GSDME: variants seen among roughly 807,000 people sequenced by gnomAD.
GSDME encodes the protein gasdermin E.
GSDME carries 44 observed loss-of-function variants against 47.5 expected under a neutral mutation model. That is an observed-to-expected ratio of 0.93 (90% CI 0.73 to 1.19). The LOEUF (loss-of-function observed/expected upper bound fraction) is 1.19, where lower values mean the gene tolerates loss of function less well. Ranked by LOEUF, GSDME falls within the 50% of genes most tolerant of loss-of-function variation. The probability of loss-of-function intolerance (pLI) is 0.00; values close to 1 mark genes in which losing one functional copy is unlikely to be tolerated. For missense variants in GSDME, 663 were observed against 604.2 expected (o/e 1.10, Z -1.02); for synonymous variants, 258 against 252.8 (o/e 1.02, Z -0.20).
At chr7:24,776,112 A>G in the GSDME span, among the ~76,000 whole-genome samples, 1 of 146,822 alleles carries the variant, frequency 6.8e-6, no homozygotes, top group Non-Finnish European at 1.5e-5. Context: ...CCTGAGAGGC[A>G]GAGGTTGCAG....
the GSDME span, among the ~76,000 whole-genome samples, chr7:24,768,876 T>C: frequency 6.6e-6 from 1 of 152,304 alleles, no homozygotes; most frequent in African/African-American, 2.4e-5. The surrounding 1 kb of genome is among the most constrained non-coding windows in gnomAD (Gnocchi z 5.6). Context: ...TGAGTGAAGA[T>C]AAAGAGAGAA....
chr7:24,782,641 CA>C, the GSDME span, among the ~76,000 whole-genome samples: 1 of 152,216 alleles, frequency 6.6e-6, no homozygotes, highest in African/African-American at 2.4e-5. Context: ...GGAATTACCA[CA>C]CTGTCTTCCA....
At chr7:24,699,698 T>C (rs1012357410) in intron 9 of GSDME, among the ~76,000 whole-genome samples, 1 of 152,138 alleles carries the variant, frequency 6.6e-6, no homozygotes, top group Non-Finnish European at 1.5e-5. Flanking sequence ...AGGTGTAACA[T>C]GATATATTTG....
chr7:24,705,175 GCTC>G lies in GSDME; in HGVS notation c.1183+1006_1183+1008del, dbSNP rs1262220240. The G allele has an allele frequency of 6.6e-6, 1 of 152,190 alleles. No homozygotes were observed. The highest frequency in any genetic ancestry group is 1.5e-5 in the Non-Finnish European group (1 of 68,038). The allele number at this position is 152,190 out of a possible 1,614,324, so 9.4% of individuals were successfully genotyped here. ...TCGGAGAACTCTGGCCTGTGTATTA[GCTC>G]CTGACAGAATGCCTGTTCTGAAAGA... On this transcript the variant is annotated intron_variant, in intron 8 of 9. Transcript: ENST00000645220. The surrounding 1 kb of genome is among the most constrained non-coding windows in gnomAD (Gnocchi z 4.1).
At chr7:24,711,514 A>C (rs1789351608) in intron 5 of GSDME, among the ~76,000 whole-genome samples, 1 of 152,068 alleles carries the variant, frequency 6.6e-6, no homozygotes, top group Admixed American at 6.5e-5. Flanking sequence ...TCCAGGCGAT[A>C]AAAAGTTTTT....
chr7:24,707,525 GAGT>G (rs1465196780), intron 7 of GSDME: 4 of 428,048 alleles, frequency 9.3e-6, no homozygotes, highest in Non-Finnish European at 2.0e-5. Flanking sequence ...GCAGTAGTCT[GAGT>G]AGTGGCCCAC....
At chr7:24,710,443 A>G (rs1313660773) in intron 5 of GSDME, 55 bp from the exon 6 acceptor site, 2 of 1,575,928 alleles carry the variant, frequency 1.3e-6, no homozygotes, top group Admixed American at 1.7e-5. Flanking sequence ...AGGTGTGCCA[A>G]CAAGTCTGGA....
chr7:24,702,276 C>T (rs1788900063), intron 9 of GSDME, among the ~76,000 whole-genome samples: 1 of 152,156 alleles, frequency 6.6e-6, no homozygotes, highest in African/African-American at 2.4e-5. Context: ...ATGACATTTC[C>T]AGAGGGGGCA....
In GSDME at chr7:24,716,758, G is replaced by A; in HGVS notation, c.697+496C>T. ...GATGATAATGCTATTAATAGCAAAGGTGGAGGAATTAATAAATGACCACTG... is the reference window on the plus strand; with the variant it reads ...GATGATAATGCTATTAATAGCAAAGATGGAGGAATTAATAAATGACCACTG... On this transcript the variant is annotated intron_variant, in intron 5 of 9. Transcript: ENST00000645220. This position sits in a 1 kb window ranked among gnomAD's most constrained non-coding sequence, Gnocchi z 4.5. The A allele has an allele frequency of 5.3e-6, 1 of 188,314 alleles. No individual in the cohort carries two copies. Among genetic ancestry groups the A allele is most frequent in the Non-Finnish European group, 1.1e-5 (1 of 89,170 alleles). 11.7% of individuals were successfully genotyped at this position (188,314 alleles called of 1,614,324 possible). A position where few individuals can be genotyped will look rare whatever the true frequency, so the allele number is the denominator to read the frequency against.
At chr7:24,784,745 A>G in the GSDME span, among the ~76,000 whole-genome samples, 1 of 149,956 alleles carries the variant, frequency 6.7e-6, no homozygotes, top group African/African-American at 2.5e-5. Flanking sequence ...TTTTTAGTAG[A>G]GATGGCATTT....
chr7:24,794,294 T>TTTCTC, the GSDME span, among the ~76,000 whole-genome samples: 1 of 98,496 alleles, frequency 1.0e-5, no homozygotes, highest in African/African-American at 8.3e-5. Context: ...TCTCTCTCTT[T>TTTCTC]CTCTCCTCTC....
At chr7:24,748,165 TATA>T (rs199728282) in intron 2 of GSDME, among the ~76,000 whole-genome samples, 15,636 of 117,552 alleles carry the variant, frequency 0.13, 938 homozygotes, top group East Asian at 0.22. Flanking sequence ...TATATATATA[TATA>T]TTTTTTTTTG....
At chr7:24,780,501 G>C in the GSDME span, among the ~76,000 whole-genome samples, 2 of 152,088 alleles carry the variant, frequency 1.3e-5, no homozygotes, top group Non-Finnish European at 1.5e-5. The surrounding 1 kb of genome is among the most constrained non-coding windows in gnomAD (Gnocchi z 4.1). Context: ...TTCTCTGTTG[G>C]TGCCACACAT....
rs531948093 is a variant in GSDME, at chr7:24,740,969, G to A, written c.404+3593C>T. On this transcript the variant is annotated intron_variant, in intron 3 of 9. Coordinates refer to ENST00000645220, the MANE Select transcript of GSDME (RefSeq NM_001127453.2). ...TGGTCTCTGGAAAACAGCCGGGACC[G>A]CGGCCCAGAACTCAGGGGAGGGAGC... 2.4e-3 allele frequency among the ~76,000 whole-genome samples: 358 copies of A among 152,260 alleles called. 1 individual carries two copies. The highest frequency in any genetic ancestry group is 0.01 in the Middle Eastern group (3 of 294).
At chr7:24,710,508 G>T in intron 5 of GSDME, 120 bp from the exon 6 acceptor site, 3 of 932,916 alleles carry the variant, frequency 3.2e-6, no homozygotes, top group South Asian at 1.4e-5. Flanking sequence ...TGGAGCAGAA[G>T]ACCCATCCAT....
chr7:24,770,281 G>C, the GSDME span, among the ~76,000 whole-genome samples: 2 of 152,336 alleles, frequency 1.3e-5, no homozygotes, highest in East Asian at 3.9e-4. The surrounding 1 kb of genome is among the most constrained non-coding windows in gnomAD (Gnocchi z 4.6). Flanking sequence ...GGGTGTGCCT[G>C]GAGAGGACAG....
chr7:24,708,368 C>A (rs777513933), intron 6 of GSDME, 114 bp from the exon 7 acceptor site: 8 of 1,266,276 alleles, frequency 6.3e-6, no homozygotes, highest in East Asian at 2.5e-5. Context: ...TGGATATTCC[C>A]AGCTGCATAG....
the GSDME span, among the ~76,000 whole-genome samples, chr7:24,769,532 C>T: frequency 9.9e-5 from 15 of 152,200 alleles, no homozygotes; most frequent in African/African-American, 3.6e-4. Flanking sequence ...CCAGTCCCCT[C>T]TAGCCATTCT....
At chr7:24,759,797 T>A (rs775461001), upstream of GSDME, among the ~76,000 whole-genome samples, 11 of 152,178 alleles carry the variant, frequency 7.2e-5, no homozygotes, top group Non-Finnish European at 1.3e-4. Context: ...GTGTTCAAGA[T>A]CTCACCTGAC....
Sources: gnomAD v4.1 joint callset for allele counts (sites outside exome capture counted in the v4.1 genomes callset) on GRCh38, gnomAD v4.1.1 for gene constraint, Gnocchi (gnomAD v3.1) non-coding constraint, MANE v1.5 for transcripts, NCBI Gene and HGNC (gene_info 2026-07-23, HGNC 2026-07-21) for gene names.